PPP2R2B: variants seen among roughly 807,000 people sequenced by gnomAD.
The protein encoded by PPP2R2B is protein phosphatase 2 regulatory subunit Bbeta.
Under a neutral mutation model 46.0 loss-of-function variants are expected in PPP2R2B, and 5 were observed. That is an observed-to-expected ratio of 0.11 (90% CI 0.06 to 0.23). The LOEUF is 0.23. PPP2R2B is among the 10% of genes least tolerant of loss of function. PPP2R2B has a pLI of 1.00. For missense variants in PPP2R2B, 367 were observed against 575.0 expected, an observed-to-expected ratio of 0.64 and a Z score of 3.70; for synonymous variants, 215 against 206.7, an observed-to-expected ratio of 1.04 and a Z score of -0.34.
intron 1 of PPP2R2B, among the ~76,000 whole-genome samples, chr5:146,978,328 A>G (rs1001411047): frequency 1.3e-5 from 2 of 151,998 alleles, no homozygotes; most frequent in African/African-American, 4.8e-5. Context: ...GTTGCCTGTT[A>G]ACTCTCATGA....
At chr5:146,759,033 A>C (rs911802282) in intron 2 of PPP2R2B, among the ~76,000 whole-genome samples, 1 of 152,062 alleles carries the variant, frequency 6.6e-6, no homozygotes, top group Non-Finnish European at 1.5e-5. Context: ...TACTTATTTT[A>C]TTTGAAAACT....
intron 1 of PPP2R2B, among the ~76,000 whole-genome samples, chr5:146,894,189 C>T (rs1011185767): frequency 2.0e-5 from 3 of 152,230 alleles, no homozygotes; most frequent in African/African-American, 7.2e-5. Context: ...ACCACAAGTA[C>T]AATCATTTCC....
intron 2 of PPP2R2B, among the ~76,000 whole-genome samples, chr5:146,732,928 T>C (rs753454942): frequency 1.1e-4 from 17 of 152,232 alleles, no homozygotes; most frequent in Non-Finnish European, 2.1e-4. Flanking sequence ...CTAAAGCCCA[T>C]CTTCTGCTAT....
At chr5:146,787,314 G>A (rs1477199611) in intron 2 of PPP2R2B, among the ~76,000 whole-genome samples, 1 of 152,178 alleles carries the variant, frequency 6.6e-6, no homozygotes, top group Non-Finnish European at 1.5e-5. Context: ...AAGGTTGTAT[G>A]TACACACTGT....
At chr5:146,894,047 AAAC>A (rs1266403363) in intron 1 of PPP2R2B, among the ~76,000 whole-genome samples, 3 of 152,178 alleles carry the variant, frequency 2.0e-5, no homozygotes, top group South Asian at 2.1e-4. Flanking sequence ...CTCAGTCTCA[AAAC>A]AACAACAATA....
In PPP2R2B at chr5:146,996,856, C is replaced by G. The variant is rs150900078; in HGVS notation, c.79+58809G>C. On this transcript the variant is annotated intron_variant, in intron 1 of 8. Transcript: ENST00000336640. ...TCTCCTCTCCTCACTCCATGTCCCA[C>G]CAGGCCTCACACTCCTGGACCTTTC... Among the ~76,000 whole-genome samples the G allele has an allele frequency of 3.7e-4, 57 of 152,180 alleles. 1 individual carries two copies. Among genetic ancestry groups the G allele is most frequent in the African/African-American group, 1.3e-3 (55 of 41,520 alleles).
At chr5:146,797,698 C>A (rs541523564) in intron 2 of PPP2R2B, among the ~76,000 whole-genome samples, 1 of 152,310 alleles carries the variant, frequency 6.6e-6, no homozygotes, top group East Asian at 1.9e-4. Context: ...GTCTGGTGAG[C>A]TCCAAATTAA....
At chr5:147,055,266 C>G (rs926863575) in intron 1 of PPP2R2B, among the ~76,000 whole-genome samples, 2 of 152,174 alleles carry the variant, frequency 1.3e-5, no homozygotes, top group African/African-American at 4.8e-5. Flanking sequence ...GGGCATGCAC[C>G]AAGTTATCAA....
At chr5:147,037,016 T>C (rs1756069512) in intron 1 of PPP2R2B, among the ~76,000 whole-genome samples, 1 of 152,176 alleles carries the variant, frequency 6.6e-6, no homozygotes, top group South Asian at 2.1e-4. Flanking sequence ...ACTCAAGTTT[T>C]TAGATGAGCA....
At chr5:146,748,442 A>G (rs1753331261) in intron 2 of PPP2R2B, among the ~76,000 whole-genome samples, 1 of 152,154 alleles carries the variant, frequency 6.6e-6, no homozygotes, top group African/African-American at 2.4e-5. Context: ...AATTTCCATC[A>G]CTATAAAAAT....
intron 6 of PPP2R2B, among the ~76,000 whole-genome samples, chr5:146,649,140 T>C (rs1441506029): frequency 6.6e-6 from 1 of 152,172 alleles, no homozygotes; most frequent in Non-Finnish European, 1.5e-5. Flanking sequence ...TAGATAGGGA[T>C]ATATGCGTTG....
At chr5:146,601,330 G>A (rs1485863780) in intron 7 of PPP2R2B, among the ~76,000 whole-genome samples, 2 of 152,118 alleles carry the variant, frequency 1.3e-5, no homozygotes, top group Non-Finnish European at 2.9e-5. Flanking sequence ...CAGGTGTGGT[G>A]GCTCATGCCT....
chr5:147,015,327 C>A (rs1312206025), intron 1 of PPP2R2B, among the ~76,000 whole-genome samples: 1 of 151,634 alleles, frequency 6.6e-6, no homozygotes, highest in Non-Finnish European at 1.5e-5. Context: ...TTAGTTGGAA[C>A]AATGTGAACC....
rs990973434 is a variant in PPP2R2B at position 146,825,186 on chromosome 5, C to T, written c.70+52816G>A. Among the ~76,000 whole-genome samples the T allele has an allele frequency of 3.9e-5, 6 of 152,264 alleles. No individual in the cohort carries two copies. The East Asian group carries it at 7.7e-4, about 20-fold the overall frequency. ...CAGAGCCGACGTTATCACATAGACA[C>T]GACTTTGTTCATGCTGTGTATGGAA... On this transcript the variant is annotated intron_variant, in intron 2 of 9. Transcript: ENST00000394411.
At chr5:146,860,527 T>C (rs984717898) in intron 2 of PPP2R2B, among the ~76,000 whole-genome samples, 4 of 152,216 alleles carry the variant, frequency 2.6e-5, no homozygotes, top group Non-Finnish European at 4.4e-5. Flanking sequence ...ACCCATACTC[T>C]GTCTTTAACA....
At chr5:146,754,454 G>T (rs1199996706) in intron 2 of PPP2R2B, among the ~76,000 whole-genome samples, 1 of 152,184 alleles carries the variant, frequency 6.6e-6, no homozygotes, top group Non-Finnish European at 1.5e-5. Flanking sequence ...AAGCAAATTT[G>T]CAGAAGCATA....
chr5:146,673,860 G>A (rs919325416), intron 5 of PPP2R2B, among the ~76,000 whole-genome samples: 4 of 152,144 alleles, frequency 2.6e-5, no homozygotes, highest in Non-Finnish European at 5.9e-5. Flanking sequence ...TCAAACTGAG[G>A]ATTTTTTTCA....
chr5:146,724,315 GTT>G (rs112692780), intron 2 of PPP2R2B, among the ~76,000 whole-genome samples: 3,676 of 147,526 alleles, frequency 0.025, 160 homozygotes, highest in African/African-American at 0.086. Context: ...ACTGTCATAG[GTT>G]TTTTTTTTTG....
Position 146,704,421 on chromosome 5 carries a change from T to A in PPP2R2B, c.71-3279A>T, listed in dbSNP as rs1450072329. 7.2e-5 allele frequency among the ~76,000 whole-genome samples: 11 copies of A among 152,220 alleles called. 1 individual carries two copies. The highest frequency in any genetic ancestry group is 1.5e-5 in the Non-Finnish European group (1 of 68,034). On this transcript the variant is annotated intron_variant, in intron 2 of 9. Coordinates refer to ENST00000394411, the MANE Select transcript of PPP2R2B (RefSeq NM_181675.4). ...GTTCAACATGGCTTTCACCTTTAAATTGTAAGTTTATATGACAATTCCACA... is the reference window on the plus strand; with the variant it reads ...GTTCAACATGGCTTTCACCTTTAAAATGTAAGTTTATATGACAATTCCACA...
Sources: gnomAD v4.1 joint callset for allele counts (sites outside exome capture counted in the v4.1 genomes callset) on GRCh38, gnomAD v4.1.1 for gene constraint, MANE v1.5 for transcripts, NCBI Gene and HGNC (gene_info 2026-07-23, HGNC 2026-07-21) for gene names.